The following ANKH variants were observed in gnomAD, a reference collection of about 807,000 sequenced individuals.
The protein encoded by ANKH is ANKH inorganic pyrophosphate transport regulator.
A neutral mutation model predicts 49.0 loss-of-function variants in ANKH; 15 were observed. The ratio of observed to expected loss-of-function variants is 0.31; its 90% CI spans 0.20 to 0.47. ANKH has a LOEUF of 0.47. Among genes scored for constraint, ANKH ranks in the 20% least tolerant of loss-of-function variants. ANKH has a pLI of 1.00. For missense variants in ANKH, 429 were observed against 652.0 expected (o/e 0.66, Z 3.72); for synonymous variants, 273 against 260.0 (o/e 1.05, Z -0.48).
intron 8 of ANKH, among the ~76,000 whole-genome samples, chr5:14,722,909 G>A (rs115591237): frequency 3.8e-3 from 579 of 151,762 alleles, no homozygotes; most frequent in Middle Eastern, 0.01. Context: ...ACATACCCTC[G>A]ATAAGATGTG....
intron 1 of ANKH, among the ~76,000 whole-genome samples, chr5:14,838,914 C>G (rs943629576): frequency 4.6e-5 from 7 of 152,146 alleles, no homozygotes; most frequent in Non-Finnish European, 8.8e-5. Flanking sequence ...AACCGACTCG[C>G]TATCCACGTG....
chr5:14,867,629 G>A (rs1360255790), intron 1 of ANKH, among the ~76,000 whole-genome samples: 2 of 151,566 alleles, frequency 1.3e-5, no homozygotes, highest in Non-Finnish European at 1.5e-5. Flanking sequence ...GCGCAATCTC[G>A]GCTCACTGCA....
At chr5:14,720,279 C>A (rs1225925235) in intron 8 of ANKH, among the ~76,000 whole-genome samples, 1 of 152,170 alleles carries the variant, frequency 6.6e-6, no homozygotes, top group African/African-American at 2.4e-5. Context: ...TACTCACACC[C>A]CATCTTTGAC....
intron 1 of ANKH, among the ~76,000 whole-genome samples, chr5:14,822,121 G>A (rs1741212950): frequency 6.6e-6 from 1 of 152,114 alleles, no homozygotes; most frequent in African/African-American, 2.4e-5. Flanking sequence ...ACAGCAACCT[G>A]GATAACATGT....
At chr5:14,791,086 C>T (rs1442017610) in intron 1 of ANKH, among the ~76,000 whole-genome samples, 2 of 152,182 alleles carry the variant, frequency 1.3e-5, no homozygotes, top group East Asian at 3.8e-4. Context: ...TTACCCAAGG[C>T]CATTAAGCTA....
At chr5:14,865,773 A>G (rs1022162527) in intron 1 of ANKH, among the ~76,000 whole-genome samples, 3 of 152,168 alleles carry the variant, frequency 2.0e-5, no homozygotes, top group Admixed American at 6.5e-5. Flanking sequence ...CACTTCTCCA[A>G]GCTATTTTTC....
chr5:14,861,530 T>C (rs1242012345), intron 1 of ANKH, among the ~76,000 whole-genome samples: 1 of 152,160 alleles, frequency 6.6e-6, no homozygotes, highest in Admixed American at 6.5e-5. Flanking sequence ...ACTGGCATAT[T>C]TCTGCCTGGG....
intron 1 of ANKH, among the ~76,000 whole-genome samples, chr5:14,769,997 A>G (rs1739384890): frequency 6.6e-6 from 1 of 152,242 alleles, no homozygotes; most frequent in Admixed American, 6.5e-5. Flanking sequence ...CACCCCGAAG[A>G]CAAATCAGTA....
chr5:14,819,389 G>A (rs956184582), intron 1 of ANKH, among the ~76,000 whole-genome samples: 1 of 152,220 alleles, frequency 6.6e-6, no homozygotes, highest in Non-Finnish European at 1.5e-5. Context: ...CGAGGGCCTG[G>A]ACTTTCTGAA....
intron 9 of ANKH, among the ~76,000 whole-genome samples, chr5:14,714,198 G>T (rs543927621): frequency 6.6e-6 from 1 of 152,312 alleles, no homozygotes; most frequent in African/African-American, 2.4e-5. Context: ...CACTTCCACC[G>T]AGGTCACTTC....
At chr5:14,752,405 A>T (rs1235127791) in intron 4 of ANKH, among the ~76,000 whole-genome samples, 1 of 152,228 alleles carries the variant, frequency 6.6e-6, no homozygotes, top group African/African-American at 2.4e-5. Flanking sequence ...TAAAACTAGA[A>T]TAGGTTGAAA....
intron 6 of ANKH, 128 bp downstream of exon 6, chr5:14,749,044 G>T: frequency 2.2e-6 from 3 of 1,339,786 alleles, no homozygotes; most frequent in African/African-American, 1.5e-5. Context: ...TGGCTTCCTA[G>T]TGTGACTGTC....
rs576261667 is a variant in ANKH, at chr5:14,710,845, C to T, written c.*352G>A. On this transcript the variant is annotated 3_prime_UTR_variant, in exon 12 of 12. Transcript: ENST00000284268. ...CCTGCTGTGCAGGGTGACCGAGGCG[C>T]GATGGCACAGCTGCAGTCCTTTGGT... 1.2e-4 allele frequency: 43 copies of T among 346,664 alleles called. No homozygotes were observed. The highest frequency in any genetic ancestry group is 4.8e-4 in the Admixed American group (12 of 25,150). 21.5% of individuals were successfully genotyped at this position (346,664 alleles called of 1,614,324 possible).
intron 1 of ANKH, among the ~76,000 whole-genome samples, chr5:14,833,205 T>C (rs1741552699): frequency 6.6e-6 from 1 of 152,218 alleles, no homozygotes; most frequent in Non-Finnish European, 1.5e-5. Flanking sequence ...ATTCATTCCA[T>C]TCTTAAGTTA....
chr5:14,797,351 A>G (rs748114987), intron 1 of ANKH: 30 of 1,609,246 alleles, frequency 1.9e-5, no homozygotes, highest in Non-Finnish European at 2.6e-5. Flanking sequence ...GTTCCTCTCC[A>G]ATTTTACTTA....
At chr5:14,790,808 C>T (rs1043479439) in intron 1 of ANKH, among the ~76,000 whole-genome samples, 1 of 152,130 alleles carries the variant, frequency 6.6e-6, no homozygotes, top group Admixed American at 6.6e-5. Context: ...CAGGGTTTTG[C>T]CATGTTGGCC....
intron 8 of ANKH, among the ~76,000 whole-genome samples, chr5:14,722,502 T>C (rs1220775986): frequency 3.3e-5 from 5 of 152,098 alleles, no homozygotes; most frequent in African/African-American, 7.2e-5. Context: ...GGAGCATCTA[T>C]GGTACAAGAA....
chr5:14,707,036 T>G lies in ANKH; in HGVS notation c.*4161A>C, dbSNP rs1736966958. On this transcript the variant is annotated 3_prime_UTR_variant, in exon 12 of 12. Coordinates refer to ENST00000284268, the MANE Select transcript of ANKH (RefSeq NM_054027.6). ...TCCAAAGAAAGGTGAGGAGCAGAACTTAGAAGATAAAGGACCCCTTTTTCT... is the reference window on the plus strand; with the variant it reads ...TCCAAAGAAAGGTGAGGAGCAGAACGTAGAAGATAAAGGACCCCTTTTTCT... 2 of 152,206 alleles carry G rather than the reference T, an allele frequency of 1.3e-5. No homozygotes were observed. The highest frequency in any genetic ancestry group is 1.3e-4 in the Admixed American group (2 of 15,286). 9.4% of individuals were successfully genotyped at this position (152,206 alleles called of 1,614,324 possible). A position where few individuals can be genotyped will look rare whatever the true frequency, so the allele number is the denominator to read the frequency against.
chr5:14,783,334 C>CCAT (rs1739870799), intron 1 of ANKH, among the ~76,000 whole-genome samples: 1 of 135,348 alleles, frequency 7.4e-6, no homozygotes, highest in Non-Finnish European at 1.7e-5. Flanking sequence ...ACACACACCA[C>CCAT]ACATGGAGAT....
Sources: allele counts gnomAD v4.1 joint callset (sites outside exome capture counted in the v4.1 genomes callset), GRCh38; gene constraint gnomAD v4.1.1; transcripts MANE v1.5; gene names NCBI Gene and HGNC (gene_info 2026-07-23, HGNC 2026-07-21).